ZNF729: variants seen among roughly 807,000 people sequenced by gnomAD.
ZNF729 encodes the protein zinc finger protein 729.
ZNF729 carries 15 observed loss-of-function variants against 12.2 expected under a neutral mutation model. The ratio of observed to expected loss-of-function variants is 1.23; its 90% confidence interval spans 0.82 to 1.89. ZNF729 has a LOEUF of 1.89. Ranked by LOEUF, ZNF729 falls within the 40% of genes most tolerant of loss-of-function variation. The probability of loss-of-function intolerance (pLI) is 0.00; values close to 1 mark genes in which losing one functional copy is unlikely to be tolerated. For missense variants in ZNF729, 1,540 were observed against 1,456.7 expected (o/e 1.06, Z -0.93); for synonymous variants, 492 against 476.3 (o/e 1.03, Z -0.43).
chr19:22,291,565 G>C (rs1968154408), intron 1 of ZNF729, among the ~76,000 whole-genome samples: 2 of 152,200 alleles, frequency 1.3e-5, no homozygotes, highest in East Asian at 1.9e-4. Flanking sequence ...GCAGCAACCT[G>C]TTTTCTCCAC....
At chr19:22,287,232 A>G (rs1968090378) in intron 1 of ZNF729, among the ~76,000 whole-genome samples, 1 of 146,452 alleles carries the variant, frequency 6.8e-6, no homozygotes, top group Non-Finnish European at 1.5e-5. Flanking sequence ...CCCAATGTAT[A>G]ATTTACAAAA....
At chr19:22,298,122 A>C (rs1471752843) in intron 1 of ZNF729, among the ~76,000 whole-genome samples, 1 of 151,998 alleles carries the variant, frequency 6.6e-6, no homozygotes, top group African/African-American at 2.4e-5. Context: ...CAGAAAACCG[A>C]TTATACAAGG....
chr19:22,316,558 C>G lies in ZNF729; in HGVS notation c.3141C>G (p.Pro1047=). 6.2e-7 allele frequency: 1 copy of G among 1,613,226 alleles called. No homozygotes were observed. The highest frequency in any genetic ancestry group is 8.5e-7 in the Non-Finnish European group (1 of 1,179,642). ...KHKIIHTGEK[P]YKCEECGKAF... ...AGATAATTCATACTGGGGAGAAACC[C>G]TACAAATGTGAAGAATGTGGTAAAG... is the stretch of plus-strand genomic sequence containing the variant. Residue 1047 remains proline, a synonymous_variant, in exon 4 of 4, where the codon CCC becomes CCG. Coordinates refer to ENST00000601693, the MANE Select transcript of ZNF729 (RefSeq NM_001242680.2).
intron 1 of ZNF729, among the ~76,000 whole-genome samples, chr19:22,289,147 TAAG>T (rs1429394571): frequency 2.0e-5 from 3 of 151,820 alleles, no homozygotes; most frequent in Non-Finnish European, 4.4e-5. Flanking sequence ...GAAAGAAAGA[TAAG>T]AAAATATTTA....
At chr19:22,291,590 G>C (rs1968155316) in intron 1 of ZNF729, among the ~76,000 whole-genome samples, 1 of 152,094 alleles carries the variant, frequency 6.6e-6, no homozygotes, top group Non-Finnish European at 1.5e-5. Flanking sequence ...CTGGGGTTCT[G>C]GACAACCTGT....
chr19:22,300,590 C>G (rs997214316), intron 1 of ZNF729, among the ~76,000 whole-genome samples: 1 of 152,208 alleles, frequency 6.6e-6, no homozygotes, highest in African/African-American at 2.4e-5. Context: ...CCTAAATATG[C>G]AGGCAGAATT....
intron 1 of ZNF729, among the ~76,000 whole-genome samples, chr19:22,294,645 TTTTTTC>T (rs1968200777): frequency 1.4e-5 from 2 of 144,176 alleles, no homozygotes; most frequent in Admixed American, 7.0e-5. Flanking sequence ...CTTTTTTTTT[TTTTTTC>T]TTTTTCTTTT....
chr19:22,311,994 T>C (rs1298716236), intron 3 of ZNF729, among the ~76,000 whole-genome samples: 2 of 152,128 alleles, frequency 1.3e-5, no homozygotes, highest in African/African-American at 2.4e-5. Flanking sequence ...TATTTTGTCA[T>C]ATGTAAGAAT....
rs558245843 is a variant in ZNF729 at position 22,309,023 on chromosome 19, T to A, written c.253+4240T>A. 8.5e-5 allele frequency among the ~76,000 whole-genome samples: 13 copies of A among 152,368 alleles called. No homozygotes were observed. The East Asian group carries it at 9.6e-4, about 11-fold the overall frequency. On this transcript the variant is annotated intron_variant, in intron 3 of 3. Coordinates refer to ENST00000601693, the MANE Select transcript of ZNF729 (RefSeq NM_001242680.2). Reference sequence around the variant, plus strand: ...GTTTTTCCAATGTTATCATCTAGAATTTTTATAGTTTCAGGTCTTAGATTT... The same window carrying A: ...GTTTTTCCAATGTTATCATCTAGAAATTTTATAGTTTCAGGTCTTAGATTT...
rs756314396 is a variant in ZNF729, at chr19:22,304,788, G to T, written c.253+5G>T. 27 of 1,612,190 alleles carry T rather than the reference G, an allele frequency of 1.7e-5. 1 individual carries two copies. The highest frequency in any genetic ancestry group is 3.3e-4 in the Middle Eastern group (2 of 6,058). On this transcript the variant is annotated splice_donor_5th_base_variant and intron_variant, in intron 3 of 3. Transcript: ENST00000601693. ...AGATGGTAACTAAACCCCCAGGTAT[G>T]TGAGAGTGAATACAACAGACAACAC...
chr19:22,315,951 T>G lies in ZNF729; in HGVS notation c.2534T>G (p.Ile845Ser). 6.2e-7 allele frequency: 1 copy of G among 1,610,798 alleles called. No individual in the cohort carries two copies. The highest frequency in any genetic ancestry group is 1.1e-5 in the South Asian group (1 of 90,990). The change falls in exon 4 of 4, where the codon ATT becomes AGT. Residue 845 changes from isoleucine (I) to serine (S), a missense_variant. By Grantham distance (142) the Ile-to-Ser change is moderately radical. Coordinates refer to ENST00000601693, the MANE Select transcript of ZNF729 (RefSeq NM_001242680.2). ...TCAGCCCTTAGAAAACATAAGGTAA[T>G]TCATACTGGAAAGAAACCCTACAAA... ...HFSALRKHKV[I>S]HTGKKPYKCE...
In ZNF729 at chr19:22,314,938, G is replaced by C. The variant is rs759339205; in HGVS notation, c.1521G>C (p.Lys507Asn). Residue 507 changes from lysine to asparagine, a missense_variant, in exon 4 of 4, where the codon AAG (lysine) becomes AAC (asparagine). Coordinates refer to ENST00000601693, the MANE Select transcript of ZNF729 (RefSeq NM_001242680.2). ...ATTTCTCAGACCTTAGAAGACATAA[G>C]ATAATTCATACTGGAAAGAAACCCT... The part of the protein sequence containing the change: ...FNHFSDLRRH[K>N]IIHTGKKPYK... 3 of 1,612,562 alleles carry C rather than the reference G, an allele frequency of 1.9e-6. No homozygotes were observed. Among genetic ancestry groups the C allele is most frequent in the Admixed American group, 1.7e-5 (1 of 59,952 alleles).
Position 22,314,363 on chromosome 19 carries a change from G to GC in ZNF729, c.947dup (p.Glu317ArgfsTer7). ...TAATGCACATAAGGTAATTCATACTGCAGAGAAACCCTACAAATGTGAAGA... is the reference window on the plus strand; with the variant it reads ...TAATGCACATAAGGTAATTCATACTGCCAGAGAAACCCTACAAATGTGAAGA... On this transcript the variant is annotated frameshift_variant, in exon 4 of 4. Coordinates refer to ENST00000601693, the MANE Select transcript of ZNF729 (RefSeq NM_001242680.2). LOFTEE classifies it low-confidence loss of function (END_TRUNC). 1 of 1,586,860 alleles carries GC rather than the reference G, an allele frequency of 6.3e-7. No individual in the cohort carries two copies. Among genetic ancestry groups the GC allele is most frequent in the Admixed American group, 1.7e-5 (1 of 57,948 alleles).
At chr19:22,308,961 G>C (rs988908826) in intron 3 of ZNF729, among the ~76,000 whole-genome samples, 3 of 152,124 alleles carry the variant, frequency 2.0e-5, no homozygotes, top group African/African-American at 7.2e-5. Flanking sequence ...TTGGGTTCTT[G>C]TATATGAAAT....
chr19:22,294,278 C>T (rs1439732557), intron 1 of ZNF729, among the ~76,000 whole-genome samples: 13 of 149,090 alleles, frequency 8.7e-5, no homozygotes, highest in Admixed American at 1.3e-4. Flanking sequence ...TGGTTATAGG[C>T]GTGTGGCATT....
intron 1 of ZNF729, among the ~76,000 whole-genome samples, chr19:22,289,224 T>C (rs751316359): frequency 1.2e-4 from 18 of 146,816 alleles, no homozygotes; most frequent in Non-Finnish European, 2.2e-4. Context: ...TTCCATTTGT[T>C]AATTTTTTTT....
intron 1 of ZNF729, among the ~76,000 whole-genome samples, chr19:22,289,066 C>CT (rs1269091045): frequency 9.9e-5 from 15 of 150,988 alleles, no homozygotes; most frequent in African/African-American, 3.6e-4. Context: ...ACATCTGTAC[C>CT]TTGAAAAGAT....
At chr19:22,294,836 T>G (rs1477675897) in intron 1 of ZNF729, among the ~76,000 whole-genome samples, 1 of 151,878 alleles carries the variant, frequency 6.6e-6, no homozygotes, top group East Asian at 1.9e-4. Flanking sequence ...TTTGTGTTTT[T>G]AGTAGAGATG....
intron 1 of ZNF729, among the ~76,000 whole-genome samples, chr19:22,297,160 T>G (rs1467980692): frequency 6.6e-6 from 1 of 152,240 alleles, no homozygotes; most frequent in Non-Finnish European, 1.5e-5. Flanking sequence ...ATAATCTGTC[T>G]AATAGTATCT....
Sources: allele counts gnomAD v4.1 joint callset (sites outside exome capture counted in the v4.1 genomes callset), GRCh38; gene constraint gnomAD v4.1.1; transcripts MANE v1.5; gene names NCBI Gene and HGNC (gene_info 2026-07-23, HGNC 2026-07-21).